CACNA1H: variants seen among roughly 807,000 people sequenced by gnomAD.
CACNA1H encodes calcium voltage-gated channel subunit alpha1 H.
Under a neutral mutation model 192.5 loss-of-function variants are expected in CACNA1H, and 149 were observed. That is an observed-to-expected ratio of 0.77 (90% CI 0.68 to 0.89). The LOEUF (loss-of-function observed/expected upper bound fraction) is 0.89. Ranked by LOEUF, CACNA1H falls within the 40% of genes least tolerant of loss-of-function variation. CACNA1H has a pLI of 0.00. For missense variants in CACNA1H, 4,257 were observed against 3,423.5 expected (o/e 1.24, Z -6.08); for synonymous variants, 2,202 against 1,475.2 (o/e 1.49, Z -11.29).
chr16:1,212,088 C>T lies in CACNA1H; in HGVS notation c.4709C>T (p.Ala1570Val), dbSNP rs558718048. ...CGGCAGCACCAGGAGGCGGAGGAGG[C>T]GCGGCGGCGAGAGGAGAAGCGGCTG... ...KCRQHQEAEE[A>V]RRREEKRLRR... Residue 1570 changes from alanine (A) to valine (V), a missense_variant, in exon 25 of 35, where the codon GCG becomes GTG. Ala to Val is a moderately conservative substitution (Grantham distance 64, BLOSUM62 0). Transcript: ENST00000348261. 92 of 1,611,996 alleles carry T rather than the reference C, an allele frequency of 5.7e-5. No individual in the cohort carries two copies. The highest frequency in any genetic ancestry group is 2.2e-4 in the South Asian group (20 of 91,064).
intron 2 of CACNA1H, among the ~76,000 whole-genome samples, chr16:1,162,412 G>A (rs1395231394): frequency 6.6e-6 from 1 of 152,208 alleles, no homozygotes; most frequent in African/African-American, 2.4e-5. Flanking sequence ...TGAGCAGGAG[G>A]TGCTTGACGC....
In CACNA1H at chr16:1,200,433, C is replaced by T. The variant is rs761021717; in HGVS notation, c.981C>T (p.Ala327=). The change falls in exon 7 of 35, where the codon GCC becomes GCT. Residue 327 remains alanine, a synonymous_variant. Coordinates refer to ENST00000348261, the MANE Select transcript of CACNA1H (RefSeq NM_021098.3). ...GGGAGGCCTACACGCAGCCGCAGGC[C>T]GAGGGGGTGGGCGCTGCACGCAACG... The part of the protein sequence containing the change: ...LGWEAYTQPQ[A]EGVGAARNAC... 14 of 1,610,538 alleles carry T rather than the reference C, an allele frequency of 8.7e-6. No homozygotes were observed. The highest frequency in any genetic ancestry group is 1.3e-5 in the African/African-American group (1 of 75,006).
In CACNA1H at chr16:1,206,086, G is replaced by GC; in HGVS notation, c.2604-13dup. Reference sequence around the variant, plus strand: ...AGGGATCGTGGCCCCGCTGACCCTCGCCCCCACCTGTCCGCAGCGTCTGGG... The same window carrying GC: ...AGGGATCGTGGCCCCGCTGACCCTCGCCCCCCACCTGTCCGCAGCGTCTGGG... On this transcript the variant is annotated splice_polypyrimidine_tract_variant and intron_variant, in intron 11 of 34. Coordinates refer to ENST00000348261, the MANE Select transcript of CACNA1H (RefSeq NM_021098.3). 9 of 1,551,300 alleles carry GC rather than the reference G, an allele frequency of 5.8e-6. No homozygotes were observed. Among genetic ancestry groups the GC allele is most frequent in the Non-Finnish European group, 6.9e-6 (8 of 1,151,458 alleles).
In CACNA1H at chr16:1,218,196, G is replaced by A; in HGVS notation, c.5446-14G>A. The A allele has an allele frequency of 6.5e-7, 1 of 1,545,886 alleles. No individual in the cohort carries two copies. ...TGGGTGTGGACCCCGGCCCACAGCT[G>A]TCCCCCACCGCAGGACACGCTGCGC... On this transcript the variant is annotated splice_polypyrimidine_tract_variant and intron_variant, in intron 32 of 34. Coordinates refer to ENST00000348261, the MANE Select transcript of CACNA1H (RefSeq NM_021098.3).
rs60414549 is a variant in CACNA1H at position 1,201,963 on chromosome 16, C to T, written c.1513C>T (p.Arg505Cys). ...VQGQGPGHRQ[R>C]RAGRHTASVH... ...AGGCCAGGGTCCCGGGCACCGCCAGCGCCGGGCAGGCAGGCACACAGCCTC... is the reference window on the plus strand; with the variant it reads ...AGGCCAGGGTCCCGGGCACCGCCAGTGCCGGGCAGGCAGGCACACAGCCTC... Residue 505 changes from arginine (R) to cysteine (C), a missense_variant, in exon 9 of 35, where the codon CGC becomes TGC. By Grantham distance (180) the Arg-to-Cys change is radical (BLOSUM62 -3). Transcript: ENST00000348261. The T allele has an allele frequency of 1.2e-3, 1,886 of 1,544,942 alleles. 16 individuals carry two copies. The African/African-American group carries it at 0.022, about 18-fold the overall frequency.
chr16:1,209,361 C>T lies in CACNA1H; in HGVS notation c.3693C>T (p.Arg1231=), dbSNP rs770200598. The change falls in exon 17 of 35, where the codon CGC becomes CGT. Residue 1231 remains arginine (R), a synonymous_variant. Transcript: ENST00000348261. ...VVALPSDFFL[R]IDSHREDAAE... ...CCCTGCCCAGCGACTTCTTCCTGCG[C>T]ATCGACAGCCACCGTGAGGATGCAG... 191 of 1,598,042 alleles carry T rather than the reference C, an allele frequency of 1.2e-4. 4 individuals are homozygous for T. The South Asian group carries it at 1.8e-3, about 15-fold the overall frequency.
chr16:1,203,165 C>T lies in CACNA1H; in HGVS notation c.2002+713C>T, dbSNP rs148014863. Among the ~76,000 whole-genome samples the T allele has an allele frequency of 1.0e-3, 154 of 152,202 alleles. 1 individual carries two copies. Among genetic ancestry groups the T allele is most frequent in the Non-Finnish European group, 1.9e-3 (129 of 67,990 alleles). ...TGCGCTGGTACCCAGGGCGTGCAGA[C>T]GAGTGTCGGGCGCATGCTCCTAGCC... On this transcript the variant is annotated intron_variant, in intron 9 of 34. Coordinates refer to ENST00000348261, the MANE Select transcript of CACNA1H (RefSeq NM_021098.3).
chr16:1,205,696 G>A (rs976624081), intron 11 of CACNA1H, among the ~76,000 whole-genome samples: 13 of 152,174 alleles, frequency 8.5e-5, no homozygotes, highest in African/African-American at 2.4e-4. Flanking sequence ...AAACGCCCCC[G>A]GTCTTCCCCT....
chr16:1,210,660 G>C lies in CACNA1H; in HGVS notation c.4038+9G>C. 1 of 1,601,108 alleles carries C rather than the reference G, an allele frequency of 6.2e-7. No individual in the cohort carries two copies. Among genetic ancestry groups the C allele is most frequent in the Non-Finnish European group, 8.5e-7 (1 of 1,179,254 alleles). ...CGGAGATGATGGTGAAGGTACCGCG[G>C]GGCCCGGGGACTGCCCTTGTTCCCA... On this transcript the variant is annotated intron_variant, in intron 20 of 34. Coordinates refer to ENST00000348261, the MANE Select transcript of CACNA1H (RefSeq NM_021098.3).
rs777448598 is a variant in CACNA1H, at chr16:1,202,197, G to A, written c.1747G>A (p.Glu583Lys). The change falls in exon 9 of 35, where the codon GAG becomes AAG. Residue 583 changes from glutamate (E) to lysine (K), a missense_variant. By Grantham distance (56) the Glu-to-Lys change is moderately conservative. Transcript: ENST00000348261. Reference protein sequence around the residue: ...HSIYHADCHIEGPQERARVAH... With the variant: ...HSIYHADCHIKGPQERARVAH... Reference sequence around the variant, plus strand: ...CATCTACCATGCCGACTGCCACATAGAGGGGCCGCAGGAGAGGGCCCGGGT... The same window carrying A: ...CATCTACCATGCCGACTGCCACATAAAGGGGCCGCAGGAGAGGGCCCGGGT... 9 of 1,553,180 alleles carry A rather than the reference G, an allele frequency of 5.8e-6. No homozygotes were observed. The South Asian group carries it at 8.3e-5, about 14-fold the overall frequency.
Position 1,219,102 on chromosome 16 carries a change from C to T in CACNA1H, c.6020C>T (p.Pro2007Leu). The T allele has an allele frequency of 6.5e-7, 1 of 1,545,624 alleles. No individual in the cohort carries two copies. Among genetic ancestry groups the T allele is most frequent in the South Asian group, 1.2e-5 (1 of 83,816 alleles). Residue 2007 changes from proline to leucine, a missense_variant, in exon 34 of 35, where the codon CCC (proline) becomes CTC (leucine). Physicochemically the swap from Pro to Leu is moderately conservative, Grantham distance 98 (BLOSUM62 -3). Coordinates refer to ENST00000348261, the MANE Select transcript of CACNA1H (RefSeq NM_021098.3). ...TCCCCTCGGGGCACAGCCCGCTCCCCCAGTCTCAGCCGGCTGCTCTGCAGA... is the reference window on the plus strand; with the variant it reads ...TCCCCTCGGGGCACAGCCCGCTCCCTCAGTCTCAGCCGGCTGCTCTGCAGA... ...ALSPRGTARS[P>L]SLSRLLCRQE... is the part of the protein sequence containing the mutation.
chr16:1,195,679 A>T, intron 4 of CACNA1H, 114 bp downstream of exon 4: 2 of 1,247,592 alleles, frequency 1.6e-6, no homozygotes, highest in South Asian at 1.4e-5. Flanking sequence ...AGAGGGATCC[A>T]GGTAGAGCCA....
intron 2 of CACNA1H, among the ~76,000 whole-genome samples, chr16:1,181,696 G>C (rs775172789): frequency 2.4e-4 from 37 of 152,214 alleles, no homozygotes; most frequent in Non-Finnish European, 4.9e-4. Context: ...AGCTGTCCGC[G>C]TGTGCTCCAG....
Position 1,207,298 on chromosome 16 carries a change from C to T in CACNA1H, c.2931C>T (p.Asn977=), listed in dbSNP as rs376470846. The change falls in exon 14 of 35, where the codon AAC becomes AAT. Residue 977 remains asparagine, a synonymous_variant. Coordinates refer to ENST00000348261, the MANE Select transcript of CACNA1H (RefSeq NM_021098.3). ...AGATCCTGACCCAGGAGGACTGGAA[C>T]GTGGTCCTGTACAACGGCATGGCCT... ...VFQILTQEDW[N]VVLYNGMAST... is the part of the protein sequence containing the mutation. The T allele has an allele frequency of 4.3e-5, 69 of 1,610,150 alleles. No homozygotes were observed. Among genetic ancestry groups the T allele is most frequent in the African/African-American group, 3.5e-4 (26 of 74,826 alleles).
At position 1,217,641 on chromosome 16, in the gene CACNA1H, G is replaced by A. The variant is rs572256536; in HGVS notation, c.5324-278G>A. On this transcript the variant is annotated intron_variant, in intron 31 of 34. Transcript: ENST00000348261. The stretch of plus-strand genomic sequence containing the variant: ...GGCGCCTACTCATCCCCCGCCACGC[G>A]CAGTCACAGACACACACAATAATGA... Among the ~76,000 whole-genome samples the A allele has an allele frequency of 2.0e-4, 30 of 152,284 alleles. No individual in the cohort carries two copies. In the East Asian group the frequency reaches 5.6e-3, roughly 28 times the overall value.
At chr16:1,207,733 G>C in intron 14 of CACNA1H, 37 bp from the exon 15 acceptor site, 1 of 1,546,728 alleles carries the variant, frequency 6.5e-7, no homozygotes. Context: ...CCACTCACGG[G>C]GCCCCTCATG....
rs758931709 is a variant in CACNA1H, at chr16:1,215,196, C to A, written c.5040-46C>A. 33 of 1,583,984 alleles carry A rather than the reference C, an allele frequency of 2.1e-5. No homozygotes were observed. The South Asian group carries it at 3.5e-4, about 17-fold the overall frequency. ...GTCTGCAGAAGCAACGCTGCTGAGC[C>A]GAGGCGGGGACCCCAGACGTGTGCG... is the stretch of plus-strand genomic sequence containing the variant. On this transcript the variant is annotated intron_variant, in intron 28 of 34. Coordinates refer to ENST00000348261, the MANE Select transcript of CACNA1H (RefSeq NM_021098.3).
intron 26 of CACNA1H, among the ~76,000 whole-genome samples, chr16:1,213,546 A>G (rs1272075771): frequency 6.6e-6 from 1 of 151,980 alleles, no homozygotes; most frequent in Non-Finnish European, 1.5e-5. Flanking sequence ...TGGCCTAGCC[A>G]GCTCCCCAGG....
chr16:1,219,970 C>T lies in CACNA1H; in HGVS notation c.6049-11C>T, dbSNP rs764862065. ...GGCCCCGCCCCTCACTTTGACTCTA[C>T]GCCCCCACAGGAGGCTGTGCACACC... is the stretch of plus-strand genomic sequence containing the variant. On this transcript the variant is annotated splice_polypyrimidine_tract_variant and intron_variant, in intron 34 of 34. Coordinates refer to ENST00000348261, the MANE Select transcript of CACNA1H (RefSeq NM_021098.3). The T allele has an allele frequency of 1.7e-5, 22 of 1,292,696 alleles. No individual in the cohort carries two copies. The highest frequency in any genetic ancestry group is 1.5e-4 in the East Asian group (5 of 32,770). The allele number at this position is 1,292,696 out of a possible 1,614,324, so 80.1% of individuals were successfully genotyped here.
Sources: allele counts gnomAD v4.1 joint callset (sites outside exome capture counted in the v4.1 genomes callset), GRCh38; gene constraint gnomAD v4.1.1; transcripts MANE v1.5; gene names NCBI Gene and HGNC (gene_info 2026-07-23, HGNC 2026-07-21).